Variants in CPVL observed in about 807,000 individuals in gnomAD.
CPVL encodes the protein carboxypeptidase vitellogenic like, also known as probable serine carboxypeptidase CPVL.
Under a neutral mutation model 63.7 loss-of-function variants are expected in CPVL, and 51 were observed. The observed-to-expected ratio is 0.80, with a 90% confidence interval of 0.64 to 1.01. CPVL has a LOEUF of 1.01. CPVL is among the 50% of genes least tolerant of loss of function. The pLI is 0.00. For synonymous variants in CPVL, 195 were observed against 206.0 expected (o/e 0.95, Z 0.46); for missense variants, 530 against 573.1 (o/e 0.92, Z 0.77).
chr7:29,140,052 A>G (rs879737188), intron 1 of CPVL, among the ~76,000 whole-genome samples: 3 of 152,176 alleles, frequency 2.0e-5, no homozygotes. Flanking sequence ...TGCTTGACTT[A>G]GGAGCATATG....
intron 4 of CPVL, among the ~76,000 whole-genome samples, chr7:29,181,697 T>C (rs1266079743): frequency 6.6e-6 from 1 of 152,172 alleles, no homozygotes; most frequent in East Asian, 1.9e-4. Context: ...TTTTAAAAAT[T>C]ACACAATCTA....
intron 11 of CPVL, among the ~76,000 whole-genome samples, chr7:29,032,414 T>C (rs2128155424): frequency 6.6e-6 from 1 of 152,254 alleles, no homozygotes; most frequent in Middle Eastern, 3.4e-3. Flanking sequence ...CTGATAGATT[T>C]AAAGCCTGTT....
At chr7:29,090,303 G>A (rs1247016335) in intron 6 of CPVL, among the ~76,000 whole-genome samples, 3 of 152,170 alleles carry the variant, frequency 2.0e-5, no homozygotes, top group Non-Finnish European at 2.9e-5. Flanking sequence ...CCCGTGAAGG[G>A]AGCCTCTTCT....
intron 5 of CPVL, among the ~76,000 whole-genome samples, chr7:29,168,213 T>C (rs13225290): frequency 0.16 from 24,986 of 152,146 alleles, 2,352 homozygotes; most frequent in African/African-American, 0.25. Flanking sequence ...TCATAAAATG[T>C]CGGTTTATTT....
At chr7:29,068,394 G>A (rs1783352869) in intron 9 of CPVL, among the ~76,000 whole-genome samples, 1 of 152,170 alleles carries the variant, frequency 6.6e-6, no homozygotes, top group Admixed American at 6.5e-5. Flanking sequence ...AGAATGAAAA[G>A]GGTTATCACC....
At chr7:29,068,161 C>G (rs560640077) in intron 9 of CPVL, among the ~76,000 whole-genome samples, 1 of 151,840 alleles carries the variant, frequency 6.6e-6, no homozygotes, top group Admixed American at 6.6e-5. Flanking sequence ...CCTGCCACCA[C>G]GCCCAGCTAA....
intron 3 of CPVL, among the ~76,000 whole-genome samples, chr7:29,105,235 T>C (rs1787604919): frequency 6.6e-6 from 1 of 152,168 alleles, no homozygotes; most frequent in Non-Finnish European, 1.5e-5. Flanking sequence ...GTTTATATCA[T>C]GGCTAATACC....
upstream of CPVL, among the ~76,000 whole-genome samples, chr7:29,149,795 G>T (rs1584426152): frequency 6.6e-6 from 1 of 152,166 alleles, no homozygotes; most frequent in East Asian, 1.9e-4. Flanking sequence ...CAGCCTTCCA[G>T]GGCTTTCTCT....
At chr7:29,111,533 C>T (rs73089012) in intron 3 of CPVL, among the ~76,000 whole-genome samples, 1 of 152,320 alleles carries the variant, frequency 6.6e-6, no homozygotes, top group Non-Finnish European at 1.5e-5. Context: ...AATAAGAAGC[C>T]CTCTCTAGGG....
chr7:29,171,681 G>C (rs78064946), intron 5 of CPVL, among the ~76,000 whole-genome samples: 3,197 of 152,278 alleles, frequency 0.021, 48 homozygotes, highest in Non-Finnish European at 0.03. Flanking sequence ...TATAGCAGTT[G>C]TTGCAGGCTA....
At chr7:29,020,858 T>C (rs1488641856) in intron 12 of CPVL, among the ~76,000 whole-genome samples, 1 of 152,172 alleles carries the variant, frequency 6.6e-6, no homozygotes, top group Non-Finnish European at 1.5e-5. Flanking sequence ...ACCAGAGATC[T>C]TAAGAAACAT....
intron 3 of CPVL, among the ~76,000 whole-genome samples, chr7:29,110,961 C>T (rs757660920): frequency 2.6e-5 from 4 of 152,194 alleles, no homozygotes; most frequent in Non-Finnish European, 5.9e-5. Flanking sequence ...CCAAGGAATG[C>T]GAGCAGCCTC....
chr7:29,015,545 C>A (rs1404209351), intron 12 of CPVL, among the ~76,000 whole-genome samples: 1 of 152,194 alleles, frequency 6.6e-6, no homozygotes, highest in Non-Finnish European at 1.5e-5. Flanking sequence ...CAGCTTTGCC[C>A]TCTGCCATAA....
At chr7:29,038,753 T>C (rs551305334) in intron 11 of CPVL, among the ~76,000 whole-genome samples, 1 of 152,318 alleles carries the variant, frequency 6.6e-6, no homozygotes, top group East Asian at 1.9e-4. Flanking sequence ...GTAAAAAAGA[T>C]CAGTAGGTCT....
chr7:29,139,553 C>T (rs1791628981), intron 1 of CPVL, among the ~76,000 whole-genome samples: 1 of 152,154 alleles, frequency 6.6e-6, no homozygotes, highest in Non-Finnish European at 1.5e-5. Flanking sequence ...GGGGCTACAA[C>T]ACTGATTAAA....
chr7:29,182,114 A>C (rs1798135201), intron 4 of CPVL, among the ~76,000 whole-genome samples: 2 of 152,228 alleles, frequency 1.3e-5, no homozygotes, highest in South Asian at 4.1e-4. Flanking sequence ...ATGAGAACTA[A>C]CACTCATTAA....
chr7:29,135,665 A>C (rs995658750), intron 1 of CPVL, among the ~76,000 whole-genome samples: 64 of 151,982 alleles, frequency 4.2e-4, no homozygotes. Context: ...AATATTCAGA[A>C]ATACATAAGA....
chr7:29,065,957 C>A, intron 10 of CPVL, 66 bp downstream of exon 10: 1 of 884,454 alleles, frequency 1.1e-6, no homozygotes, highest in South Asian at 1.6e-5. Context: ...TTTCCCAAAT[C>A]AAAGGAAGTT....
At chr7:29,024,775 C>T (rs1292495909) in intron 12 of CPVL, among the ~76,000 whole-genome samples, 5 of 152,156 alleles carry the variant, frequency 3.3e-5, no homozygotes, top group Admixed American at 2.6e-4. Context: ...AAAAGAAAGT[C>T]TTTCCCAGAC....
Sources: allele counts gnomAD v4.1 joint callset (sites outside exome capture counted in the v4.1 genomes callset), GRCh38; gene constraint gnomAD v4.1.1; transcripts MANE v1.5; gene names NCBI Gene and HGNC (gene_info 2026-07-23, HGNC 2026-07-21).